LUZP2: variants seen among roughly 807,000 people sequenced by gnomAD.
LUZP2 encodes the protein leucine zipper protein 2.
LUZP2 carries 52 observed loss-of-function variants against 51.6 expected under a neutral mutation model. The ratio of observed to expected loss-of-function variants is 1.01; its 90% CI spans 0.81 to 1.27. The LOEUF is 1.27. Ranked by LOEUF, LUZP2 falls within the 50% of genes most tolerant of loss-of-function variation. The pLI is 0.00. For synonymous variants in LUZP2, 154 were observed against 137.3 expected, an observed-to-expected ratio of 1.12 and a Z score of -0.85; for missense variants, 436 against 395.4, an observed-to-expected ratio of 1.10 and a Z score of -0.87.
At chr11:24,626,615 G>A (rs1365163839) in intron 1 of LUZP2, among the ~76,000 whole-genome samples, 1 of 152,144 alleles carries the variant, frequency 6.6e-6, no homozygotes, top group Non-Finnish European at 1.5e-5. Context: ...AAATGACATA[G>A]CCAATTTGAT....
chr11:24,777,223 G>A (rs1258381901), intron 5 of LUZP2, among the ~76,000 whole-genome samples: 1 of 151,964 alleles, frequency 6.6e-6, no homozygotes, highest in African/African-American at 2.4e-5. Context: ...TTGATCTTCT[G>A]ACATTGTGAT....
At chr11:24,921,552 C>G (rs984996385) in intron 7 of LUZP2, among the ~76,000 whole-genome samples, 5 of 152,126 alleles carry the variant, frequency 3.3e-5, no homozygotes, top group African/African-American at 9.7e-5. Context: ...AGCTTGCCAG[C>G]CTGGCTTTTA....
chr11:25,042,657 A>G (rs934631911), intron 9 of LUZP2, among the ~76,000 whole-genome samples: 4 of 152,132 alleles, frequency 2.6e-5, no homozygotes, highest in Admixed American at 2.6e-4. Context: ...TGCCAGGACT[A>G]TACTTCCTCT....
chr11:24,858,078 A>G (rs1352185), intron 5 of LUZP2, among the ~76,000 whole-genome samples: 81,471 of 151,886 alleles, frequency 0.54, 23,452 homozygotes, highest in Middle Eastern at 0.66. Flanking sequence ...TTGGCATCGA[A>G]TGACTAGAAT....
At chr11:24,825,465 A>G (rs10767249) in intron 5 of LUZP2, among the ~76,000 whole-genome samples, 99,328 of 151,590 alleles carry the variant, frequency 0.66, 33,021 homozygotes, top group East Asian at 0.81. Flanking sequence ...ACTGCATTTA[A>G]TCTGGTCTTC....
intron 1 of LUZP2, among the ~76,000 whole-genome samples, chr11:24,675,049 A>C (rs1856501884): frequency 6.6e-6 from 1 of 152,220 alleles, no homozygotes; most frequent in Admixed American, 6.5e-5. Flanking sequence ...CAATCTTTTG[A>C]AATCTGCCTC....
chr11:24,594,883 CT>C (rs1853385875), intron 1 of LUZP2, among the ~76,000 whole-genome samples: 1 of 150,524 alleles, frequency 6.6e-6, no homozygotes, highest in African/African-American at 2.4e-5. Context: ...CCTCAGCCTC[CT>C]GTGTAGCTGG....
intron 5 of LUZP2, among the ~76,000 whole-genome samples, chr11:24,824,103 C>T (rs1344235076): frequency 2.0e-5 from 3 of 151,502 alleles, no homozygotes; most frequent in Non-Finnish European, 4.4e-5. Context: ...GTGGCTTATG[C>T]CTGTAATCCC....
chr11:24,996,641 T>G (rs1856512853), intron 9 of LUZP2, among the ~76,000 whole-genome samples: 1 of 148,246 alleles, frequency 6.7e-6, no homozygotes, highest in Admixed American at 6.8e-5. Flanking sequence ...TATTATACTT[T>G]AAGTTTTAGG....
chr11:24,569,953 T>G (rs12292322), intron 1 of LUZP2, among the ~76,000 whole-genome samples: 63,329 of 151,780 alleles, frequency 0.42, 13,727 homozygotes, highest in African/African-American at 0.51. Flanking sequence ...AAATTTTCAC[T>G]CAGTGTTTCA....
At chr11:24,547,982 A>C (rs1321871824) in intron 1 of LUZP2, among the ~76,000 whole-genome samples, 2 of 152,142 alleles carry the variant, frequency 1.3e-5, no homozygotes, top group African/African-American at 4.8e-5. Context: ...GAGAAGTGCA[A>C]ATTAATACCA....
chr11:24,515,333 C>T (rs1850431346), intron 1 of LUZP2, among the ~76,000 whole-genome samples: 1 of 151,630 alleles, frequency 6.6e-6, no homozygotes, highest in Admixed American at 6.6e-5. Context: ...GCTGAAAGAC[C>T]CCATCTGTAA....
intron 7 of LUZP2, among the ~76,000 whole-genome samples, chr11:24,931,684 G>C (rs1248633114): frequency 6.6e-6 from 1 of 152,072 alleles, no homozygotes; most frequent in Non-Finnish European, 1.5e-5. Context: ...TCACCTCTCT[G>C]GTACTTCCTT....
rs532796312 is a variant in LUZP2, at chr11:24,924,172, C to T, written c.522+9634C>T. 2.6e-4 allele frequency among the ~76,000 whole-genome samples: 39 copies of T among 151,722 alleles called. 1 individual carries two copies. The South Asian group carries it at 6.5e-3, about 25-fold the overall frequency. On this transcript the variant is annotated intron_variant, in intron 7 of 11. Transcript: ENST00000336930. ...GGCTCACTGCAACCTCTGCCTCCCG[C>T]GTTCAAGTGACTCTCCTGCCTCAGC...
intron 7 of LUZP2, among the ~76,000 whole-genome samples, chr11:24,926,304 CGTGTGTATATATATACGTGT>C (rs1854241333): frequency 2.6e-5 from 1 of 39,190 alleles, no homozygotes; most frequent in Non-Finnish European, 5.1e-5. Context: ...TATATATATA[CGTGTGTATATATATACGTGT>C]GTGTATATAT....
In LUZP2 at chr11:24,616,368, A is replaced by T. The variant is rs73433068; in HGVS notation, c.63-112801A>T. On this transcript the variant is annotated intron_variant, in intron 1 of 11. Coordinates refer to ENST00000336930, the MANE Select transcript of LUZP2 (RefSeq NM_001009909.4). The stretch of plus-strand genomic sequence containing the variant: ...TTTACATGTTACACTTAACGCTGTG[A>T]CCCATTGTGAGTTAATTTTTGAGTA... Among the ~76,000 whole-genome samples, 566 of 151,760 alleles carry T rather than the reference A, an allele frequency of 3.7e-3. 3 individuals are homozygous for T. Among genetic ancestry groups the T allele is most frequent in the African/African-American group, 0.013 (546 of 41,370 alleles).
intron 5 of LUZP2, among the ~76,000 whole-genome samples, chr11:24,774,267 CTG>C (rs112157387): frequency 0.078 from 11,626 of 149,026 alleles, 1,008 homozygotes; most frequent in African/African-American, 0.21. Flanking sequence ...GCTCCTCAGC[CTG>C]TGCAGATGGC....
intron 1 of LUZP2, among the ~76,000 whole-genome samples, chr11:24,595,475 G>C (rs1003809608): frequency 6.6e-6 from 1 of 152,176 alleles, no homozygotes; most frequent in Non-Finnish European, 1.5e-5. Flanking sequence ...AGCGCTCTAT[G>C]AGAAATCAGG....
At position 25,050,107 on chromosome 11, in the gene LUZP2, A is replaced by G; in HGVS notation, c.835A>G (p.Thr279Ala). Residue 279 changes from threonine (T) to alanine (A), a missense_variant, in exon 10 of 12, where the codon ACC (threonine) becomes GCC (alanine). Transcript: ENST00000336930. The stretch of plus-strand genomic sequence containing the variant: ...GTCAACAAAGGAAGGAAATCCAAGT[A>G]CCACTGCCTGTGACTCTCAAGATGT... ...VESTKEGNPSTTACDSQDEGR... is the reference protein window; with the variant it reads ...VESTKEGNPSATACDSQDEGR... 1.9e-6 allele frequency: 3 copies of G among 1,601,176 alleles called. No individual in the cohort carries two copies. Among genetic ancestry groups the G allele is most frequent in the Non-Finnish European group, 2.6e-6 (3 of 1,173,104 alleles).
Sources: allele counts gnomAD v4.1 joint callset (sites outside exome capture counted in the v4.1 genomes callset), GRCh38; gene constraint gnomAD v4.1.1; transcripts MANE v1.5; gene names NCBI Gene and HGNC (gene_info 2026-07-23, HGNC 2026-07-21).